Variants in SLC12A8 observed in about 807,000 individuals in gnomAD.
SLC12A8 encodes the protein solute carrier family 12 member 8, also known as cation-chloride cotransporter 9.
In SLC12A8, 69 loss-of-function variants were observed where a neutral mutation model predicts 75.6. That is an observed-to-expected ratio of 0.91 (90% CI 0.75 to 1.11). The LOEUF is 1.11. SLC12A8 is among the 50% of genes most tolerant of loss of function. SLC12A8 has a pLI of 0.00. For missense variants in SLC12A8, 877 were observed against 896.7 expected (o/e 0.98, Z 0.28); for synonymous variants, 365 against 372.8 (o/e 0.98, Z 0.24).
At chr3:125,207,790 C>A (rs1265609866) in intron 2 of SLC12A8, among the ~76,000 whole-genome samples, 1 of 152,230 alleles carries the variant, frequency 6.6e-6, no homozygotes, top group Non-Finnish European at 1.5e-5. Flanking sequence ...CCTCCCTCTG[C>A]ACTGGCTGTT....
intron 6 of SLC12A8, among the ~76,000 whole-genome samples, chr3:125,134,260 C>A (rs1933434797): frequency 1.7e-5 from 1 of 58,242 alleles, no homozygotes. Context: ...CACCACCATG[C>A]CAGGCTAATT....
intron 5 of SLC12A8, among the ~76,000 whole-genome samples, chr3:125,149,218 C>T (rs548083747): frequency 2.0e-4 from 31 of 152,324 alleles, no homozygotes; most frequent in Non-Finnish European, 2.9e-4. Context: ...GGGCAGCGCT[C>T]GCTCGCACTT....
At chr3:125,191,704 G>T (rs1225739617) in intron 2 of SLC12A8, among the ~76,000 whole-genome samples, 1 of 152,172 alleles carries the variant, frequency 6.6e-6, no homozygotes, top group Non-Finnish European at 1.5e-5. Context: ...TAAGGCCAAC[G>T]GCATGTGCTC....
chr3:125,105,059 C>T (rs1225924160), intron 10 of SLC12A8, among the ~76,000 whole-genome samples: 1 of 149,020 alleles, frequency 6.7e-6, no homozygotes, highest in Non-Finnish European at 1.5e-5. Context: ...GTGACTGATA[C>T]AACAACCAAC....
rs960889479 is a variant in SLC12A8 at position 125,082,877 on chromosome 3, A to G, written c.*1013T>C. ...GCGAAATAAATTATAACACATTTATACAATGAAAAAAATGAACAAATGGCA... is the reference window on the plus strand; with the variant it reads ...GCGAAATAAATTATAACACATTTATGCAATGAAAAAAATGAACAAATGGCA... On this transcript the variant is annotated 3_prime_UTR_variant, in exon 14 of 14. Coordinates refer to ENST00000469902, the MANE Select transcript of SLC12A8 (RefSeq NM_024628.6). The G allele has an allele frequency of 6.6e-6, 1 of 152,258 alleles. No homozygotes were observed. The highest frequency in any genetic ancestry group is 6.5e-5 in the Admixed American group (1 of 15,292). 9.4% of individuals were successfully genotyped at this position (152,258 alleles called of 1,614,324 possible). A position where few individuals can be genotyped will look rare whatever the true frequency, so the allele number is the denominator to read the frequency against.
intron 5 of SLC12A8, among the ~76,000 whole-genome samples, chr3:125,158,008 A>T (rs1277754937): frequency 6.6e-6 from 1 of 152,208 alleles, no homozygotes; most frequent in African/African-American, 2.4e-5. Context: ...AAAGAAATAC[A>T]GAGATGAAGA....
intron 5 of SLC12A8, among the ~76,000 whole-genome samples, chr3:125,150,093 G>T (rs886658087): frequency 6.6e-6 from 1 of 152,048 alleles, no homozygotes; most frequent in African/African-American, 2.4e-5. Context: ...GCAACTTCAG[G>T]GGCTCAAGGA....
chr3:125,097,067 T>C (rs1174154626), intron 10 of SLC12A8, among the ~76,000 whole-genome samples: 1 of 152,126 alleles, frequency 6.6e-6, no homozygotes, highest in South Asian at 2.1e-4. Context: ...CTTAGTAAAA[T>C]ACAGTTGCCC....
At chr3:125,136,628 TAGA>T in intron 5 of SLC12A8, among the ~76,000 whole-genome samples, 4 of 152,216 alleles carry the variant, frequency 2.6e-5, no homozygotes, top group Non-Finnish European at 5.9e-5. Flanking sequence ...ACCTTTCTCT[TAGA>T]TCTCTCAGCC....
chr3:125,104,626 A>C (rs1383123345), intron 10 of SLC12A8, among the ~76,000 whole-genome samples: 1 of 152,102 alleles, frequency 6.6e-6, no homozygotes, highest in African/African-American at 2.4e-5. Context: ...CTTCTTTCTT[A>C]GGAAAAAAAG....
chr3:125,108,311 C>T (rs1939094246), intron 9 of SLC12A8, among the ~76,000 whole-genome samples, 185 bp from the exon 10 acceptor site: 1 of 152,164 alleles, frequency 6.6e-6, no homozygotes, highest in Admixed American at 6.5e-5. Flanking sequence ...ATGCGAAATG[C>T]TTCACACAGA....
intron 2 of SLC12A8, among the ~76,000 whole-genome samples, chr3:125,196,420 G>C (rs973691513): frequency 2.6e-5 from 4 of 152,176 alleles, no homozygotes; most frequent in African/African-American, 9.7e-5. Context: ...TCTGCTTTCT[G>C]TGAATTATAA....
chr3:125,119,067 T>C (rs1340656072), intron 7 of SLC12A8: 1 of 452,278 alleles, frequency 2.2e-6, no homozygotes, highest in Non-Finnish European at 4.0e-6. Context: ...TACCATTGTT[T>C]TGTTTCTTTT....
chr3:125,118,893 C>A (rs1186956760), intron 7 of SLC12A8, 37 bp from the exon 8 acceptor site: 1 of 1,388,972 alleles, frequency 7.2e-7, no homozygotes, highest in South Asian at 1.2e-5. Context: ...CTGCCCCCGA[C>A]TCACCTCACC....
At position 125,190,418 on chromosome 3, in the gene SLC12A8, T is replaced by C. The variant is rs779335907; in HGVS notation, c.155A>G (p.Asn52Ser). 1.2e-6 allele frequency: 2 copies of C among 1,614,184 alleles called. No individual in the cohort carries two copies. The highest frequency in any genetic ancestry group is 2.2e-5 in the East Asian group (1 of 44,884). The change falls in exon 3 of 14, where the codon AAC becomes AGC. Residue 52 changes from asparagine (N) to serine (S), a missense_variant. By Grantham distance (46) the Asn-to-Ser change is conservative. Transcript: ENST00000469902. ...CAGGAAGAGCACAACCCCAAAGATG[T>C]TGATCATGCAGGATGTGAACACACC... is the stretch of plus-strand genomic sequence containing the variant. ...WDGVFTSCMI[N>S]IFGVVLFLRT...
chr3:125,160,528 T>C (rs962437030), intron 5 of SLC12A8, among the ~76,000 whole-genome samples: 1 of 152,258 alleles, frequency 6.6e-6, no homozygotes, highest in African/African-American at 2.4e-5. Context: ...TGACCCTTGC[T>C]GAGGGGGTCC....
At position 125,159,268 on chromosome 3, in the gene SLC12A8, CT is replaced by C. The variant is rs370266547; in HGVS notation, c.622+18474del. On this transcript the variant is annotated intron_variant, in intron 5 of 13. Coordinates refer to ENST00000469902, the MANE Select transcript of SLC12A8 (RefSeq NM_024628.6). ...CATCCTGCTAATATATATCAAAGAA[CT>C]TTTTTTTTTAGAGGTGGGGTCTCAC... Among the ~76,000 whole-genome samples the C allele has an allele frequency of 5.4e-3, 811 of 149,054 alleles. 9 individuals carry two copies. The highest frequency in any genetic ancestry group is 0.023 in the Admixed American group (344 of 14,930).
chr3:125,105,059 C>A (rs1225924160), intron 10 of SLC12A8, among the ~76,000 whole-genome samples: 1 of 149,020 alleles, frequency 6.7e-6, no homozygotes, highest in Non-Finnish European at 1.5e-5. Context: ...GTGACTGATA[C>A]AACAACCAAC....
At chr3:125,179,484 G>T (rs1237951727) in intron 4 of SLC12A8, among the ~76,000 whole-genome samples, 1 of 152,150 alleles carries the variant, frequency 6.6e-6, no homozygotes, top group Non-Finnish European at 1.5e-5. Context: ...AAGGCAAAAG[G>T]GTAATACAAC....
Sources: allele counts gnomAD v4.1 joint callset (sites outside exome capture counted in the v4.1 genomes callset), GRCh38; gene constraint gnomAD v4.1.1; transcripts MANE v1.5; gene names NCBI Gene and HGNC (gene_info 2026-07-23, HGNC 2026-07-21).